Variants in PRCC observed in about 807,000 individuals in gnomAD.
PRCC encodes proline rich mitotic checkpoint control factor.
PRCC carries 10 observed loss-of-function variants against 44.0 expected under a neutral mutation model. The ratio of observed to expected loss-of-function variants is 0.23; its 90% CI spans 0.14 to 0.39. The LOEUF is 0.39. PRCC is among the 10% of genes least tolerant of loss of function. The probability of loss-of-function intolerance (pLI) is 1.00; values close to 1 mark genes in which losing one functional copy is unlikely to be tolerated. For synonymous variants in PRCC, 278 were observed against 259.5 expected (o/e 1.07, Z -0.69); for missense variants, 573 against 624.7 (o/e 0.92, Z 0.88).
At chr1:156,771,978 ATATT>A (rs550553640) in intron 1 of PRCC, among the ~76,000 whole-genome samples, 126 of 152,142 alleles carry the variant, frequency 8.3e-4, no homozygotes, top group Non-Finnish European at 1.4e-3. Flanking sequence ...AAATTTTAAT[ATATT>A]TATTTATTTA....
chr1:156,775,366 T>C (rs1382328729), intron 1 of PRCC, among the ~76,000 whole-genome samples: 1 of 151,822 alleles, frequency 6.6e-6, no homozygotes, highest in Non-Finnish European at 1.5e-5. Context: ...TTTTTTTTTT[T>C]TGGAGACAGG....
At chr1:156,786,511 A>G (rs1400023026) in intron 2 of PRCC, 97 bp from the exon 3 acceptor site, 10 of 1,222,474 alleles carry the variant, frequency 8.2e-6, no homozygotes, top group Admixed American at 2.3e-5. Context: ...ATTTTAGGCT[A>G]GAGAACTTAT....
intron 1 of PRCC, among the ~76,000 whole-genome samples, chr1:156,768,595 A>G (rs1651509525): frequency 1.3e-5 from 2 of 152,166 alleles, no homozygotes; most frequent in Non-Finnish European, 2.9e-5. Flanking sequence ...CTGGCACCTG[A>G]AGAATGACAG....
At chr1:156,780,338 C>T (rs900633166) in intron 1 of PRCC, among the ~76,000 whole-genome samples, 25 of 151,726 alleles carry the variant, frequency 1.6e-4, no homozygotes, top group Non-Finnish European at 1.5e-4. Flanking sequence ...GGATTACAGG[C>T]GTGAGCCACT....
intron 2 of PRCC, 131 bp downstream of exon 2, chr1:156,782,460 G>A (rs2274501): frequency 0.24 from 190,083 of 807,570 alleles, 24,342 homozygotes; most frequent in Non-Finnish European, 0.26. Context: ...ATTTAGGTTC[G>A]GCTTTGTTTT....
At chr1:156,783,527 C>G (rs1652122207) in intron 2 of PRCC, among the ~76,000 whole-genome samples, 1 of 152,118 alleles carries the variant, frequency 6.6e-6, no homozygotes, top group African/African-American at 2.4e-5. Context: ...GGGCAGATCA[C>G]CTGAAGTCAG....
intron 6 of PRCC, among the ~76,000 whole-genome samples, chr1:156,798,951 C>T (rs568964103): frequency 3.2e-4 from 49 of 152,172 alleles, no homozygotes; most frequent in South Asian, 2.1e-4. Context: ...AAGCAGCTCC[C>T]GTGGAAATGA....
chr1:156,779,169 T>C (rs1651956241), intron 1 of PRCC, among the ~76,000 whole-genome samples: 1 of 106,240 alleles, frequency 9.4e-6, no homozygotes, highest in African/African-American at 3.6e-5. Flanking sequence ...TCTTTTTTTC[T>C]CCTGAGATAG....
At chr1:156,773,537 C>T (rs986961239) in intron 1 of PRCC, among the ~76,000 whole-genome samples, 8 of 152,100 alleles carry the variant, frequency 5.3e-5, no homozygotes, top group Admixed American at 2.6e-4. Context: ...CCTATTGTGG[C>T]CCGGGACACT....
chr1:156,792,699 C>A (rs544714583), intron 4 of PRCC, among the ~76,000 whole-genome samples: 3 of 152,094 alleles, frequency 2.0e-5, no homozygotes, highest in Non-Finnish European at 4.4e-5. Flanking sequence ...AAGTGATCAG[C>A]CCGTCTCAGC....
intron 4 of PRCC, among the ~76,000 whole-genome samples, chr1:156,794,209 G>A (rs1328825244): frequency 2.6e-5 from 4 of 151,518 alleles, no homozygotes; most frequent in African/African-American, 4.9e-5. Flanking sequence ...CGCCCACCTC[G>A]GCCTCCCAAA....
intron 3 of PRCC, among the ~76,000 whole-genome samples, chr1:156,788,128 C>CA (rs1652342380): frequency 6.6e-6 from 1 of 152,234 alleles, no homozygotes; most frequent in African/African-American, 2.4e-5. Context: ...AGCCACCACA[C>CA]TTGGCTGTAA....
At chr1:156,797,468 T>C in intron 6 of PRCC, 127 bp downstream of exon 6, 1 of 1,093,058 alleles carries the variant, frequency 9.1e-7, no homozygotes, top group Non-Finnish European at 1.4e-6. Flanking sequence ...AGGCATCCTC[T>C]CCTATTCTCA....
intron 2 of PRCC, among the ~76,000 whole-genome samples, chr1:156,785,776 C>T (rs1652220173): frequency 1.3e-5 from 2 of 150,690 alleles, no homozygotes; most frequent in African/African-American, 2.4e-5. Context: ...TGAGGGGTCT[C>T]GCTCAGGGTT....
chr1:156,779,414 A>G (rs1359230593), intron 1 of PRCC, among the ~76,000 whole-genome samples: 6 of 151,730 alleles, frequency 4.0e-5, no homozygotes, highest in Admixed American at 2.0e-4. Flanking sequence ...CCCAGGCTGG[A>G]GTGTAGTGGC....
chr1:156,788,659 C>CTTT (rs58867718), intron 3 of PRCC, among the ~76,000 whole-genome samples: 10 of 95,282 alleles, frequency 1.0e-4, no homozygotes, highest in Admixed American at 3.5e-4. Flanking sequence ...TTGCCAGCAT[C>CTTT]TTTTTTTTTT....
chr1:156,768,648 C>A (rs900672263), intron 1 of PRCC, among the ~76,000 whole-genome samples: 1 of 152,180 alleles, frequency 6.6e-6, no homozygotes, highest in Non-Finnish European at 1.5e-5. Flanking sequence ...TGGGACAAAT[C>A]TTTTCCTTGC....
At chr1:156,774,689 C>T (rs1165584267) in intron 1 of PRCC, among the ~76,000 whole-genome samples, 2 of 152,002 alleles carry the variant, frequency 1.3e-5, no homozygotes, top group African/African-American at 4.8e-5. Flanking sequence ...CATGGTGGCT[C>T]ACGCCTGTAA....
intron 4 of PRCC, among the ~76,000 whole-genome samples, chr1:156,794,200 G>A (rs913463535): frequency 3.3e-5 from 5 of 151,624 alleles, no homozygotes; most frequent in Admixed American, 6.6e-5. Flanking sequence ...CAGGTGATCC[G>A]CCCACCTCGG....
Sources: allele counts gnomAD v4.1 joint callset (sites outside exome capture counted in the v4.1 genomes callset), GRCh38; gene constraint gnomAD v4.1.1; transcripts MANE v1.5; gene names NCBI Gene and HGNC (gene_info 2026-07-23, HGNC 2026-07-21).